Variants in ARHGAP26 observed in about 807,000 individuals in gnomAD.
ARHGAP26 encodes rho GTPase-activating protein 26.
ARHGAP26 carries 38 observed loss-of-function variants against 104.8 expected under a neutral mutation model. That is an observed-to-expected ratio of 0.36 (90% CI 0.28 to 0.48). The LOEUF is 0.48. Among genes scored for constraint, ARHGAP26 ranks in the 20% least tolerant of loss-of-function variants. ARHGAP26 has a pLI of 0.99. For missense variants in ARHGAP26, 704 were observed against 947.9 expected (o/e 0.74, Z 3.38); for synonymous variants, 341 against 340.0 (o/e 1.00, Z -0.03).
At chr5:143,108,097 C>T (rs1794269074) in intron 17 of ARHGAP26, among the ~76,000 whole-genome samples, 2 of 152,184 alleles carry the variant, frequency 1.3e-5, no homozygotes, top group Non-Finnish European at 2.9e-5. Flanking sequence ...CTTGAACTTA[C>T]ATTGAAATTT....
intron 20 of ARHGAP26, among the ~76,000 whole-genome samples, chr5:143,175,659 G>A (rs1803377316): frequency 6.6e-6 from 1 of 152,102 alleles, no homozygotes; most frequent in Non-Finnish European, 1.5e-5. Flanking sequence ...TTGGGCATAT[G>A]TGGGGTGTGG....
At chr5:142,834,335 A>G (rs1403808707) in intron 1 of ARHGAP26, among the ~76,000 whole-genome samples, 1 of 152,220 alleles carries the variant, frequency 6.6e-6, no homozygotes, top group African/African-American at 2.4e-5. Context: ...TCCTAGAGCA[A>G]CCATTCTTCC....
intron 4 of ARHGAP26, among the ~76,000 whole-genome samples, chr5:142,882,606 C>T (rs1235406557): frequency 1.3e-5 from 2 of 152,138 alleles, no homozygotes; most frequent in African/African-American, 2.4e-5. Context: ...GCACACAGGA[C>T]ATGGAAAGCA....
At chr5:142,804,943 G>A (rs779668158) in intron 1 of ARHGAP26, among the ~76,000 whole-genome samples, 2 of 152,072 alleles carry the variant, frequency 1.3e-5, no homozygotes, top group Non-Finnish European at 2.9e-5. Context: ...ATCATTCAAC[G>A]TATGATTGTT....
chr5:142,827,114 T>A (rs1302767078), intron 1 of ARHGAP26, among the ~76,000 whole-genome samples: 6 of 152,088 alleles, frequency 3.9e-5, no homozygotes, highest in Non-Finnish European at 1.5e-5. Flanking sequence ...TTTTTTTTTT[T>A]AAATCCTATT....
At chr5:142,973,500 C>T (rs1404836535) in intron 11 of ARHGAP26, among the ~76,000 whole-genome samples, 5 of 152,060 alleles carry the variant, frequency 3.3e-5, no homozygotes, top group Admixed American at 2.6e-4. Context: ...GTTCGGGGAG[C>T]GAGAATAGAG....
chr5:142,819,567 C>T (rs1055196432), intron 1 of ARHGAP26, among the ~76,000 whole-genome samples: 1 of 152,148 alleles, frequency 6.6e-6, no homozygotes, highest in Admixed American at 6.5e-5. Flanking sequence ...CTCATAAAAT[C>T]CTCACATGGT....
chr5:143,218,287 C>G (rs1267018442), intron 22 of ARHGAP26, among the ~76,000 whole-genome samples: 2 of 152,244 alleles, frequency 1.3e-5, no homozygotes, highest in Non-Finnish European at 2.9e-5. Context: ...TAGTCTTTCT[C>G]TCTCCTTTTA....
rs941990275 is a variant in ARHGAP26, at chr5:142,770,676, C to A, written c.-86C>A. 341 of 986,574 alleles carry A rather than the reference C, an allele frequency of 3.5e-4. 3 individuals carry two copies. The African/African-American group carries it at 5.1e-3, about 15-fold the overall frequency. The allele number at this position is 986,574 out of a possible 1,614,324, so 61.1% of individuals were successfully genotyped here. On this transcript the variant is annotated 5_prime_UTR_variant, in exon 1 of 23. Coordinates refer to ENST00000645722, the MANE Select transcript of ARHGAP26 (RefSeq NM_001135608.3). ...GCCGGCGGCCGTCGGGGGAGCCGGC[C>A]GGGGTCCCGCCGCGTGAGTGCTCTG...
chr5:143,074,791 T>G (rs1051619500), intron 17 of ARHGAP26, among the ~76,000 whole-genome samples: 2 of 152,258 alleles, frequency 1.3e-5, no homozygotes, highest in African/African-American at 4.8e-5. Flanking sequence ...ATGTTTGGAC[T>G]TGCTAACTCA....
intron 20 of ARHGAP26, among the ~76,000 whole-genome samples, chr5:143,189,317 C>G (rs1473364454): frequency 1.3e-5 from 2 of 152,160 alleles, no homozygotes; most frequent in Middle Eastern, 3.2e-3. Flanking sequence ...AAAAAAGATG[C>G]ACTTGGGCTT....
chr5:142,785,466 ACTT>A (rs1758392392), intron 1 of ARHGAP26, among the ~76,000 whole-genome samples: 1 of 152,174 alleles, frequency 6.6e-6, no homozygotes. Context: ...CTGGTTTCAC[ACTT>A]CTTTTGTCTT....
Position 143,121,117 on chromosome 5 carries a change from C to T in ARHGAP26, c.1668C>T (p.Val556=). Residue 556 remains valine, a synonymous_variant, in exon 18 of 23, where the codon GTC becomes GTT. Transcript: ENST00000645722. ...TGGACATCAAATTTCAGAACATTGT[C>T]ATTGAGATCCTAATAGAAAACCACG... ...AIMDIKFQNI[V]IEILIENHEK... is the part of the protein sequence containing the mutation. 6.2e-7 allele frequency: 1 copy of T among 1,613,504 alleles called. No homozygotes were observed. Among genetic ancestry groups the T allele is most frequent in the Non-Finnish European group, 8.5e-7 (1 of 1,179,590 alleles).
intron 5 of ARHGAP26, among the ~76,000 whole-genome samples, chr5:142,887,489 C>G (rs575918447): frequency 6.6e-6 from 1 of 152,120 alleles, no homozygotes; most frequent in African/African-American, 2.4e-5. Context: ...TGGCCTGTTC[C>G]GCTCCATTTT....
chr5:142,771,226 C>G lies in ARHGAP26; in HGVS notation c.154+311C>G, dbSNP rs374329772. The G allele has an allele frequency of 9.5e-6, 12 of 1,258,548 alleles. No homozygotes were observed. The African/African-American group carries it at 1.7e-4, about 18-fold the overall frequency. 78.0% of individuals were successfully genotyped at this position (1,258,548 alleles called of 1,614,324 possible). A position where few individuals can be genotyped will look rare whatever the true frequency, so the allele number is the denominator to read the frequency against. On this transcript the variant is annotated intron_variant, in intron 1 of 22. Coordinates refer to ENST00000645722, the MANE Select transcript of ARHGAP26 (RefSeq NM_001135608.3). ...CACGCAGGTGTCCCAGCAGTGGGGC[C>G]AGAGTGCCGAGCGCGCCGCAGCCAG...
intron 10 of ARHGAP26, among the ~76,000 whole-genome samples, chr5:142,924,069 A>G (rs377352635): frequency 1.5e-4 from 23 of 151,970 alleles, no homozygotes; most frequent in African/African-American, 5.6e-4. Context: ...TCACCGTGTT[A>G]GCCAGGATGG....
intron 3 of ARHGAP26, among the ~76,000 whole-genome samples, chr5:142,877,433 C>T (rs1279208651): frequency 6.6e-6 from 1 of 151,270 alleles, no homozygotes; most frequent in Non-Finnish European, 1.5e-5. Context: ...ATGAGTTCCT[C>T]AAGGGCAGAG....
chr5:143,208,154 G>A (rs190754556), intron 21 of ARHGAP26, among the ~76,000 whole-genome samples: 1 of 151,720 alleles, frequency 6.6e-6, no homozygotes, highest in South Asian at 2.1e-4. Flanking sequence ...TGTGACTTCC[G>A]CACTTAAGTT....
chr5:142,789,173 G>A (rs1055536073), intron 1 of ARHGAP26, among the ~76,000 whole-genome samples: 5 of 152,178 alleles, frequency 3.3e-5, no homozygotes, highest in African/African-American at 9.7e-5. Flanking sequence ...GTTAAATGGG[G>A]TAGCACGTGC....
Sources: gnomAD v4.1 joint callset for allele counts (sites outside exome capture counted in the v4.1 genomes callset) on GRCh38, gnomAD v4.1.1 for gene constraint, MANE v1.5 for transcripts, NCBI Gene and HGNC (gene_info 2026-07-23, HGNC 2026-07-21) for gene names.